Variants in CCDC144A observed in about 807,000 individuals in gnomAD.
CCDC144A encodes the protein coiled-coil domain containing 144A, also known as coiled-coil domain-containing protein 144A.
In CCDC144A, 41 loss-of-function variants were observed where a neutral mutation model predicts 143.8. That is an observed-to-expected ratio of 0.29 (90% confidence interval 0.22 to 0.37). The LOEUF is 0.37. Ranked by LOEUF, CCDC144A falls within the 10% of genes least tolerant of loss-of-function variation. The pLI is 1.00. For missense variants in CCDC144A, 637 were observed against 1,488.8 expected (o/e 0.43, Z 9.41); for synonymous variants, 242 against 517.9 (o/e 0.47, Z 7.23).
At chr17:16,755,434 TG>T (rs1915031776) in intron 12 of CCDC144A, among the ~76,000 whole-genome samples, 1 of 152,254 alleles carries the variant, frequency 6.6e-6, no homozygotes, top group South Asian at 2.1e-4. Flanking sequence ...TTGATTTTCA[TG>T]GTGGTAGACA....
At chr17:16,738,514 A>G (rs1009289753) in intron 12 of CCDC144A, among the ~76,000 whole-genome samples, 7 of 149,874 alleles carry the variant, frequency 4.7e-5, no homozygotes, top group Non-Finnish European at 8.9e-5. Context: ...CATTCTGGAC[A>G]CCACGTATCA....
upstream of CCDC144A, among the ~76,000 whole-genome samples, chr17:16,687,840 C>G (rs1910837964): frequency 6.6e-6 from 1 of 152,084 alleles, no homozygotes; most frequent in Non-Finnish European, 1.5e-5. Context: ...TTTCATTCCT[C>G]TGATCCAGGT....
At chr17:16,748,302 A>G (rs1248891373) in intron 12 of CCDC144A, among the ~76,000 whole-genome samples, 3 of 152,082 alleles carry the variant, frequency 2.0e-5, no homozygotes, top group Admixed American at 1.3e-4. Flanking sequence ...TTTTTCATGA[A>G]GGGATGATGG....
At chr17:16,694,618 A>G (rs1249692887) in intron 2 of CCDC144A, among the ~76,000 whole-genome samples, 5 of 151,968 alleles carry the variant, frequency 3.3e-5, no homozygotes, top group Admixed American at 6.5e-5. Context: ...AAACATACCC[A>G]ATGTGCACTA....
intron 12 of CCDC144A, among the ~76,000 whole-genome samples, chr17:16,757,834 C>T (rs1395826937): frequency 1.3e-5 from 2 of 152,212 alleles, no homozygotes; most frequent in Non-Finnish European, 2.9e-5. Flanking sequence ...CCCTGGTGGG[C>T]TATTAGATGA....
rs1418241760 is a variant in CCDC144A, at chr17:16,690,464, G to C, written c.64G>C (p.Ala22Pro). Residue 22 changes from alanine to proline, a missense_variant, in exon 1 of 17, where the codon GCC (alanine) becomes CCC (proline). Transcript: ENST00000399273. ...AEGSPKPAVY[A>P]TRKTPSVGSQ... ...GGGGTCTCCGAAGCCGGCAGTCTAC[G>C]CCACGAGGAAGACCCCTAGCGTCGG... The C allele has an allele frequency of 1.9e-6, 3 of 1,612,570 alleles. No individual in the cohort carries two copies. The highest frequency in any genetic ancestry group is 1.7e-6 in the Non-Finnish European group (2 of 1,179,362).
At chr17:16,771,151 A>G (rs1459592519) in intron 15 of CCDC144A, among the ~76,000 whole-genome samples, 1 of 152,262 alleles carries the variant, frequency 6.6e-6, no homozygotes, top group Non-Finnish European at 1.5e-5. Flanking sequence ...GACACTGGCA[A>G]TAAGTTTGAA....
intron 9 of CCDC144A, among the ~76,000 whole-genome samples, chr17:16,729,989 T>TACACAC (rs1416719364): frequency 5.8e-5 from 7 of 121,158 alleles, no homozygotes; most frequent in Non-Finnish European, 9.2e-5. Context: ...TATATATATA[T>TACACAC]ATACACACAT....
chr17:16,694,186 T>A (rs1033374458), intron 2 of CCDC144A, among the ~76,000 whole-genome samples: 13 of 151,230 alleles, frequency 8.6e-5, no homozygotes, highest in Non-Finnish European at 1.6e-4. Context: ...GTTCAAAGGC[T>A]AACTATATTA....
At chr17:16,697,554 G>GT (rs1911487475) in intron 2 of CCDC144A, among the ~76,000 whole-genome samples, 1 of 152,256 alleles carries the variant, frequency 6.6e-6, no homozygotes, top group African/African-American at 2.4e-5. Context: ...GTGTCAGTCT[G>GT]TTGTGAGGTT....
chr17:16,673,692 C>T, the CCDC144A span, among the ~76,000 whole-genome samples: 1 of 152,020 alleles, frequency 6.6e-6, no homozygotes, highest in Non-Finnish European at 1.5e-5. Flanking sequence ...GGCCTATCTT[C>T]GTTTTTAAAA....
At chr17:16,670,113 A>G in the CCDC144A span, among the ~76,000 whole-genome samples, 1 of 151,504 alleles carries the variant, frequency 6.6e-6, no homozygotes, top group Non-Finnish European at 1.5e-5. Context: ...CCTGGGAGGC[A>G]GAGGTTGCAG....
intron 8 of CCDC144A, among the ~76,000 whole-genome samples, chr17:16,724,239 C>T (rs1284620559): frequency 6.6e-6 from 1 of 152,066 alleles, no homozygotes; most frequent in Non-Finnish European, 1.5e-5. Context: ...TTAATTCTTT[C>T]ATTAAGATTG....
chr17:16,730,318 G>T (rs1173550705), intron 9 of CCDC144A, among the ~76,000 whole-genome samples: 1 of 103,810 alleles, frequency 9.6e-6, no homozygotes, highest in East Asian at 2.5e-4. Flanking sequence ...TTTATTTCTA[G>T]GTTCTCTATT....
chr17:16,751,430 G>A (rs1234441267), intron 12 of CCDC144A, among the ~76,000 whole-genome samples: 1 of 152,174 alleles, frequency 6.6e-6, no homozygotes, highest in East Asian at 1.9e-4. Context: ...CTAGAGTACG[G>A]GCTGGCATGC....
chr17:16,676,202 CT>C, the CCDC144A span, among the ~76,000 whole-genome samples: 1 of 151,912 alleles, frequency 6.6e-6, no homozygotes, highest in African/African-American at 2.4e-5. Context: ...TTGAGAGTCC[CT>C]GAAATAAGAG....
intron 6 of CCDC144A, among the ~76,000 whole-genome samples, chr17:16,715,255 G>A (rs1485920648): frequency 6.7e-6 from 1 of 149,410 alleles, no homozygotes; most frequent in African/African-American, 2.5e-5. Context: ...TATTAAATGA[G>A]CAACTGAAGT....
chr17:16,695,133 G>A (rs896237480), intron 2 of CCDC144A: 25 of 152,060 alleles, frequency 1.6e-4, no homozygotes, highest in Admixed American at 4.6e-4. Context: ...GGTCTTTGAG[G>A]TGCTCATAAT....
chr17:16,687,758 A>G (rs1910834578), upstream of CCDC144A, among the ~76,000 whole-genome samples: 1 of 152,228 alleles, frequency 6.6e-6, no homozygotes, highest in African/African-American at 2.4e-5. Context: ...AATGACATGC[A>G]GTAAAGGACA....
Sources: allele counts gnomAD v4.1 joint callset (sites outside exome capture counted in the v4.1 genomes callset), GRCh38; gene constraint gnomAD v4.1.1; transcripts MANE v1.5; gene names NCBI Gene and HGNC (gene_info 2026-07-23, HGNC 2026-07-21).